TRDN: variants seen among roughly 807,000 people sequenced by gnomAD.
TRDN encodes triadin in skeletal muscle.
TRDN carries 161 observed loss-of-function variants against 149.7 expected under a neutral mutation model. The ratio of observed to expected loss-of-function variants is 1.08; its 90% confidence interval spans 0.95 to 1.23. The LOEUF (loss-of-function observed/expected upper bound fraction) is 1.23, where lower values mean the gene tolerates loss of function less well. Among genes scored for constraint, TRDN ranks in the 50% most tolerant of loss-of-function variants. The pLI is 0.00. For synonymous variants in TRDN, 294 were observed against 250.5 expected, an observed-to-expected ratio of 1.17 and a Z score of -1.64; for missense variants, 896 against 823.5, an observed-to-expected ratio of 1.09 and a Z score of -1.08.
chr6:123,429,674 T>C, intron 12 of TRDN, among the ~76,000 whole-genome samples: 1 of 152,316 alleles, frequency 6.6e-6, no homozygotes, highest in South Asian at 2.1e-4. Context: ...AAAAAATAAC[T>C]GGTGTCTAAC....
intron 9 of TRDN, chr6:123,470,975 G>A (rs1009282128): frequency 3.9e-5 from 6 of 152,148 alleles, no homozygotes; most frequent in African/African-American, 1.4e-4. Flanking sequence ...CGAATTCATG[G>A]AGACTCCAGT....
At chr6:123,602,216 G>A (rs1168902702) in intron 1 of TRDN, among the ~76,000 whole-genome samples, 1 of 151,948 alleles carries the variant, frequency 6.6e-6, no homozygotes, top group Non-Finnish European at 1.5e-5. Flanking sequence ...GATAAAATGT[G>A]GCATACATAC....
chr6:123,455,147 A>G (rs1024047877), intron 10 of TRDN, among the ~76,000 whole-genome samples: 3 of 151,858 alleles, frequency 2.0e-5, no homozygotes, highest in Admixed American at 2.0e-4. Context: ...TTTTTTTCAT[A>G]TTTCTGAATT....
At chr6:123,280,175 T>C (rs1301709354) in intron 24 of TRDN, among the ~76,000 whole-genome samples, 1 of 151,946 alleles carries the variant, frequency 6.6e-6, no homozygotes, top group African/African-American at 2.4e-5. Flanking sequence ...TTATCACAGA[T>C]CAGAGTAAGG....
chr6:123,294,016 G>T lies in TRDN; in HGVS notation c.1511-14934C>A, dbSNP rs75944474. The stretch of plus-strand genomic sequence containing the variant: ...CCTAAGGAGCTTGACTCAAACCCTA[G>T]AAACCTTAGCTACCAACACAGGTCA... On this transcript the variant is annotated intron_variant, in intron 24 of 40. Transcript: ENST00000334268. Among the ~76,000 whole-genome samples the T allele has an allele frequency of 3.0e-4, 45 of 152,230 alleles. 1 individual carries two copies. In the East Asian group the frequency reaches 8.7e-3, roughly 29 times the overall value.
intron 38 of TRDN, among the ~76,000 whole-genome samples, chr6:123,235,458 A>G (rs1775750636): frequency 6.6e-6 from 1 of 152,152 alleles, no homozygotes; most frequent in African/African-American, 2.4e-5. Flanking sequence ...AGTAAAGACA[A>G]AGAAAAAGAT....
chr6:123,548,217 T>C (rs990946173), intron 3 of TRDN, among the ~76,000 whole-genome samples: 10 of 152,088 alleles, frequency 6.6e-5, no homozygotes, highest in Non-Finnish European at 1.5e-4. Context: ...TACATTAATA[T>C]TAACATTTAA....
At chr6:123,602,536 A>C (rs907333574) in intron 1 of TRDN, among the ~76,000 whole-genome samples, 3 of 152,056 alleles carry the variant, frequency 2.0e-5, no homozygotes, top group African/African-American at 7.2e-5. Context: ...TAAAGAACTT[A>C]TCTGTGCAAC....
At chr6:123,360,016 A>G (rs1277666079) in intron 20 of TRDN, among the ~76,000 whole-genome samples, 1 of 151,842 alleles carries the variant, frequency 6.6e-6, no homozygotes, top group Admixed American at 6.6e-5. Flanking sequence ...TTTTTTTTTA[A>G]TTTATTTTTT....
At chr6:123,594,280 C>A (rs76340398) in intron 1 of TRDN, among the ~76,000 whole-genome samples, 2,916 of 151,734 alleles carry the variant, frequency 0.019, 109 homozygotes, top group African/African-American at 0.067. Context: ...TTCAAATAAC[C>A]CTATTATTTT....
chr6:123,361,255 C>A (rs1562278178), intron 20 of TRDN, among the ~76,000 whole-genome samples: 1 of 151,932 alleles, frequency 6.6e-6, no homozygotes, highest in African/African-American at 2.4e-5. Flanking sequence ...AAAGTGGAAA[C>A]CATCATTCTC....
In TRDN at chr6:123,570,187, A is replaced by G. The variant is rs143302520; in HGVS notation, c.232+736T>C. ...AGAGTACATATGAGAGAACACATTA[A>G]AAGATTAATGAAATGTTTCGCTTAT... is the stretch of plus-strand genomic sequence containing the variant. On this transcript the variant is annotated intron_variant, in intron 2 of 40. Transcript: ENST00000334268. 9.2e-3 allele frequency among the ~76,000 whole-genome samples: 1,402 copies of G among 152,318 alleles called. 27 individuals are homozygous for G. Among genetic ancestry groups the G allele is most frequent in the African/African-American group, 0.032 (1,334 of 41,564 alleles).
At chr6:123,249,963 C>CA (rs1233650711) in intron 38 of TRDN, among the ~76,000 whole-genome samples, 2 of 151,802 alleles carry the variant, frequency 1.3e-5, no homozygotes, top group Admixed American at 6.6e-5. Context: ...AGGACTCCAC[C>CA]AAAAAAACTT....
intron 22 of TRDN, among the ~76,000 whole-genome samples, chr6:123,336,781 G>A (rs576605778): frequency 6.6e-6 from 1 of 151,036 alleles, no homozygotes; most frequent in Admixed American, 6.6e-5. Context: ...GATTTAAATA[G>A]ATGAATTTTA....
chr6:123,493,539 C>A (rs1476917865), intron 9 of TRDN, among the ~76,000 whole-genome samples: 1 of 152,100 alleles, frequency 6.6e-6, no homozygotes, highest in African/African-American at 2.4e-5. Context: ...CAAATTAGAA[C>A]TGCAATTTGG....
intron 24 of TRDN, among the ~76,000 whole-genome samples, chr6:123,282,359 TTC>T (rs1450548059): frequency 6.6e-6 from 1 of 151,936 alleles, no homozygotes; most frequent in Non-Finnish European, 1.5e-5. Flanking sequence ...TATACCAAAT[TTC>T]TTCCTAAGAT....
chr6:123,238,830 C>G (rs1775883173), intron 38 of TRDN, among the ~76,000 whole-genome samples: 1 of 151,756 alleles, frequency 6.6e-6, no homozygotes, highest in Non-Finnish European at 1.5e-5. Context: ...CTGCATAATA[C>G]TCTTTTTTGT....
At chr6:123,259,963 T>C (rs748284878) in intron 34 of TRDN, among the ~76,000 whole-genome samples, 3 of 151,688 alleles carry the variant, frequency 2.0e-5, no homozygotes, top group African/African-American at 4.8e-5. Flanking sequence ...CTACTTCTTT[T>C]TTTCCTCCTC....
At chr6:123,227,747 TTG>T (rs1168466281) in intron 38 of TRDN, among the ~76,000 whole-genome samples, 1 of 140,294 alleles carries the variant, frequency 7.1e-6, no homozygotes, top group Non-Finnish European at 1.6e-5. Context: ...GTTTGTTTGT[TTG>T]TTTTTGTTTG....
Sources: allele counts gnomAD v4.1 joint callset (sites outside exome capture counted in the v4.1 genomes callset), GRCh38; gene constraint gnomAD v4.1.1; transcripts MANE v1.5; gene names NCBI Gene and HGNC (gene_info 2026-07-23, HGNC 2026-07-21).